SLIT3: variants seen among roughly 807,000 people sequenced by gnomAD.
SLIT3 encodes slit homolog 3 protein.
A neutral mutation model predicts 184.0 loss-of-function variants in SLIT3; 68 were observed. That is an observed-to-expected ratio of 0.37 (90% confidence interval 0.30 to 0.45). The LOEUF is 0.45. Ranked by LOEUF, SLIT3 falls within the 20% of genes least tolerant of loss-of-function variation. SLIT3 has a pLI of 1.00. For synonymous variants in SLIT3, 831 were observed against 828.6 expected, an observed-to-expected ratio of 1.00 and a Z score of -0.05; for missense variants, 1,707 against 2,026.0, an observed-to-expected ratio of 0.84 and a Z score of 3.02.
intron 4 of SLIT3, among the ~76,000 whole-genome samples, chr5:169,082,572 A>G (rs72826594): frequency 8.3e-5 from 9 of 107,978 alleles, no homozygotes; most frequent in African/African-American, 1.8e-4. Context: ...ACCTGTCTCT[A>G]TGTGTGTGTG....
intron 6 of SLIT3, among the ~76,000 whole-genome samples, chr5:168,827,959 A>G (rs1757757200): frequency 6.6e-6 from 1 of 152,208 alleles, no homozygotes; most frequent in Admixed American, 6.5e-5. Flanking sequence ...AATATTTTCT[A>G]TCTGGATTTT....
intron 32 of SLIT3, among the ~76,000 whole-genome samples, chr5:168,674,528 G>A (rs1761353328): frequency 7.8e-6 from 1 of 127,702 alleles, no homozygotes; most frequent in Non-Finnish European, 1.5e-5. Context: ...GTCTCACTCT[G>A]TCGCCCAGGC....
intron 10 of SLIT3, chr5:168,790,354 T>G (rs1756321004): frequency 6.6e-6 from 1 of 152,176 alleles, no homozygotes; most frequent in South Asian, 2.1e-4. Context: ...GCCAGGAGGA[T>G]TCTATTAATG....
At chr5:169,194,078 C>G (rs1255108594) in intron 3 of SLIT3, among the ~76,000 whole-genome samples, 2 of 151,350 alleles carry the variant, frequency 1.3e-5, no homozygotes, top group African/African-American at 2.4e-5. Flanking sequence ...AATAAAAATA[C>G]AAAAAAATTA....
At chr5:168,747,456 G>A (rs1378134899) in intron 20 of SLIT3, among the ~76,000 whole-genome samples, 2 of 152,122 alleles carry the variant, frequency 1.3e-5, no homozygotes, top group Non-Finnish European at 2.9e-5. Context: ...TATGCGTTGA[G>A]TGGATGAGTG....
chr5:169,203,231 G>A (rs1763958749), intron 3 of SLIT3, among the ~76,000 whole-genome samples: 1 of 152,122 alleles, frequency 6.6e-6, no homozygotes, highest in Non-Finnish European at 1.5e-5. Flanking sequence ...TCAAGGGCAT[G>A]GGTCTCTGGG....
At chr5:168,669,109 T>G (rs1183982101) in intron 35 of SLIT3, among the ~76,000 whole-genome samples, 2 of 152,198 alleles carry the variant, frequency 1.3e-5, no homozygotes, top group Non-Finnish European at 2.9e-5. Flanking sequence ...GTAGCTAGCC[T>G]CCAAGATTGC....
intron 6 of SLIT3, among the ~76,000 whole-genome samples, chr5:168,835,497 TG>T (rs1581129762): frequency 3.3e-5 from 5 of 151,578 alleles, no homozygotes; most frequent in Middle Eastern, 3.4e-3. Context: ...AAAAAAGTGT[TG>T]TTTTTTTGTT....
rs546195832 is a variant in SLIT3 at position 169,153,854 on chromosome 5, G to A, written c.413+39625C>T. On this transcript the variant is annotated intron_variant, in intron 4 of 35. Coordinates refer to ENST00000519560, the MANE Select transcript of SLIT3 (RefSeq NM_003062.4). ...TATTGGCTGCAGATGTCTTCCTTCG[G>A]CCAGACTCCATCAAGGTGAACTACT... 9.2e-5 allele frequency among the ~76,000 whole-genome samples: 14 copies of A among 152,200 alleles called. No individual in the cohort carries two copies. In the South Asian group the frequency reaches 2.7e-3, roughly 29 times the overall value.
chr5:168,883,726 C>T (rs548319537), intron 4 of SLIT3, among the ~76,000 whole-genome samples: 2 of 145,994 alleles, frequency 1.4e-5, no homozygotes, highest in Admixed American at 7.1e-5. Flanking sequence ...GTGGGGTCAA[C>T]GCCGCTCAAT....
At chr5:168,984,136 T>A (rs1446990813) in intron 4 of SLIT3, among the ~76,000 whole-genome samples, 1 of 152,034 alleles carries the variant, frequency 6.6e-6, no homozygotes, top group Non-Finnish European at 1.5e-5. Flanking sequence ...TGCAACAAAC[T>A]AGAATATTAC....
intron 6 of SLIT3, among the ~76,000 whole-genome samples, chr5:168,827,864 C>T (rs564241217): frequency 5.8e-4 from 88 of 152,304 alleles, no homozygotes; most frequent in African/African-American, 1.9e-3. Context: ...ACTGGTTTTA[C>T]GCATTCACTT....
intron 4 of SLIT3, among the ~76,000 whole-genome samples, chr5:168,910,944 A>G (rs995991778): frequency 6.6e-6 from 1 of 152,120 alleles, no homozygotes; most frequent in East Asian, 1.9e-4. Flanking sequence ...CACAGCCCTC[A>G]TGCCTTTTTG....
chr5:169,206,245 T>C (rs1764063725), intron 3 of SLIT3, among the ~76,000 whole-genome samples: 1 of 152,224 alleles, frequency 6.6e-6, no homozygotes, highest in Non-Finnish European at 1.5e-5. Context: ...TACTCATTTC[T>C]ATGAGGAATT....
intron 4 of SLIT3, among the ~76,000 whole-genome samples, chr5:168,897,724 G>C (rs1395659664): frequency 6.7e-6 from 1 of 148,262 alleles, no homozygotes; most frequent in Non-Finnish European, 1.5e-5. Flanking sequence ...AAAGGGAAAG[G>C]CCAAGCAAGT....
At chr5:168,979,516 C>T (rs1273074805) in intron 4 of SLIT3, among the ~76,000 whole-genome samples, 4 of 152,182 alleles carry the variant, frequency 2.6e-5, no homozygotes, top group African/African-American at 7.2e-5. Flanking sequence ...ACTATTTTCT[C>T]GTCTGTTTAG....
intron 4 of SLIT3, among the ~76,000 whole-genome samples, chr5:169,121,123 G>A (rs939285609): frequency 6.6e-6 from 1 of 152,118 alleles, no homozygotes; most frequent in African/African-American, 2.4e-5. Flanking sequence ...TAATTCCAAA[G>A]TCTATGTTCT....
At chr5:168,719,695 T>G (rs1748023540) in intron 23 of SLIT3, among the ~76,000 whole-genome samples, 1 of 152,246 alleles carries the variant, frequency 6.6e-6, no homozygotes, top group Non-Finnish European at 1.5e-5. Context: ...AAGATTTTAA[T>G]GCACAGAATC....
chr5:169,182,455 G>A (rs1259018382), intron 4 of SLIT3, among the ~76,000 whole-genome samples: 1 of 152,200 alleles, frequency 6.6e-6, no homozygotes, highest in East Asian at 1.9e-4. Context: ...TCAAATCCAA[G>A]ATACTGAGTC....
Sources: allele counts gnomAD v4.1 joint callset (sites outside exome capture counted in the v4.1 genomes callset), GRCh38; gene constraint gnomAD v4.1.1; transcripts MANE v1.5; gene names NCBI Gene and HGNC (gene_info 2026-07-23, HGNC 2026-07-21).